IQCM: variants seen among roughly 807,000 people sequenced by gnomAD.
IQCM encodes the protein IQ domain-containing protein M.
A neutral mutation model predicts 57.6 loss-of-function variants in IQCM; 45 were observed. That is an observed-to-expected ratio of 0.78 (90% CI 0.62 to 1.00). The LOEUF is 1.00. Among genes scored for constraint, IQCM ranks in the 50% least tolerant of loss-of-function variants. IQCM has a pLI of 0.00. For missense variants in IQCM, 468 were observed against 511.6 expected (o/e 0.91, Z 0.82); for synonymous variants, 148 against 158.9 (o/e 0.93, Z 0.51).
intron 5 of IQCM, among the ~76,000 whole-genome samples, chr4:149,700,821 T>G (rs1006029262): frequency 1.3e-5 from 2 of 152,024 alleles, no homozygotes; most frequent in Non-Finnish European, 2.9e-5. Context: ...AAACAACTTA[T>G]AGAAAGTACT....
intron 12 of IQCM, among the ~76,000 whole-genome samples, chr4:149,534,072 T>C (rs1459777896): frequency 6.6e-6 from 1 of 152,132 alleles, no homozygotes; most frequent in Non-Finnish European, 1.5e-5. Context: ...TTATATTGAT[T>C]ATCCTTTAAT....
intron 12 of IQCM, among the ~76,000 whole-genome samples, chr4:149,492,484 C>G (rs1433507553): frequency 1.3e-5 from 2 of 152,116 alleles, no homozygotes; most frequent in Admixed American, 1.3e-4. Flanking sequence ...CTACACAAGT[C>G]TTCCTCCTCT....
At chr4:149,454,208 A>G (rs1486732602) in intron 12 of IQCM, among the ~76,000 whole-genome samples, 1 of 150,850 alleles carries the variant, frequency 6.6e-6, no homozygotes, top group African/African-American at 2.4e-5. Flanking sequence ...ATAAACACAT[A>G]CACACACAAT....
At position 149,620,109 on chromosome 4, in the gene IQCM, A is replaced by T. The variant is rs538186192; in HGVS notation, c.681+1020T>A. 3.9e-5 allele frequency among the ~76,000 whole-genome samples: 6 copies of T among 152,254 alleles called. No individual in the cohort carries two copies. The East Asian group carries it at 1.2e-3, about 29-fold the overall frequency. On this transcript the variant is annotated intron_variant, in intron 8 of 13. Coordinates refer to ENST00000636793, the MANE Select transcript of IQCM (RefSeq NM_001363507.2). ...CAGGTGGAGGTTGCGGTGAGCTGAG[A>T]TCACACCATTACACTCTAGCCTGAG...
chr4:149,708,298 T>C (rs576541702), intron 5 of IQCM, among the ~76,000 whole-genome samples: 10 of 152,150 alleles, frequency 6.6e-5, no homozygotes, highest in Admixed American at 2.6e-4. Context: ...GTTATACTTA[T>C]ATCCCTAATT....
intron 13 of IQCM, among the ~76,000 whole-genome samples, chr4:149,358,802 G>A (rs562237104): frequency 2.4e-5 from 2 of 82,640 alleles, no homozygotes; most frequent in African/African-American, 9.3e-5. Flanking sequence ...TAAAGCATAG[G>A]ATCCACCCAA....
rs570580713 is a variant in IQCM at position 149,634,262 on chromosome 4, G to T, written c.566-13018C>A. On this transcript the variant is annotated intron_variant, in intron 7 of 13. Transcript: ENST00000636793. ...AAACTCAAGTGATCTGCCCACCTCG[G>T]CCTCCCAAAGTGAGCTTTTTCTTTT... is the stretch of plus-strand genomic sequence containing the variant. 3.7e-4 allele frequency among the ~76,000 whole-genome samples: 56 copies of T among 152,136 alleles called. No homozygotes were observed. The South Asian group carries it at 0.011, about 31-fold the overall frequency.
intron 12 of IQCM, among the ~76,000 whole-genome samples, chr4:149,499,346 A>C (rs1034211828): frequency 6.6e-6 from 1 of 152,158 alleles, no homozygotes; most frequent in Non-Finnish European, 1.5e-5. Flanking sequence ...AATCACCACA[A>C]TTTTATTTAG....
intron 5 of IQCM, among the ~76,000 whole-genome samples, chr4:149,719,352 AAAAAAAG>A (rs1313957421): frequency 1.1e-4 from 16 of 151,936 alleles, no homozygotes; most frequent in Admixed American, 3.3e-4. Context: ...CTTAAAAAAA[AAAAAAAG>A]AAAAAAGAAA....
At chr4:149,592,772 G>A (rs989759045) in intron 8 of IQCM, among the ~76,000 whole-genome samples, 4 of 151,764 alleles carry the variant, frequency 2.6e-5, no homozygotes, top group African/African-American at 4.8e-5. Flanking sequence ...GTTGTAGATG[G>A]GTGGTATTAT....
intron 12 of IQCM, among the ~76,000 whole-genome samples, chr4:149,491,970 C>G (rs138194415): frequency 6.6e-6 from 1 of 151,788 alleles, no homozygotes; most frequent in Admixed American, 6.6e-5. Context: ...AAGCTGATAT[C>G]ATTGTGGTTT....
chr4:149,486,910 T>C (rs1284006111), intron 12 of IQCM, among the ~76,000 whole-genome samples: 5 of 152,154 alleles, frequency 3.3e-5, no homozygotes, highest in Admixed American at 2.6e-4. Flanking sequence ...CCCAAGAGCC[T>C]GCTTGTTGCT....
At chr4:149,698,151 C>T (rs1174168087) in intron 5 of IQCM, among the ~76,000 whole-genome samples, 1 of 151,612 alleles carries the variant, frequency 6.6e-6, no homozygotes, top group Non-Finnish European at 1.5e-5. Flanking sequence ...AATTATCATC[C>T]TCAATTCAAT....
chr4:149,626,385 T>C (rs1270456493), intron 7 of IQCM, among the ~76,000 whole-genome samples: 2 of 70,740 alleles, frequency 2.8e-5, no homozygotes, highest in Non-Finnish European at 6.3e-5. Flanking sequence ...TAGTTATACT[T>C]AATAAACATA....
chr4:149,482,748 T>G (rs1397349821), intron 12 of IQCM, among the ~76,000 whole-genome samples: 1 of 151,848 alleles, frequency 6.6e-6, no homozygotes, highest in East Asian at 1.9e-4. Context: ...CTTTTTTTTT[T>G]TAATGTGTCT....
In IQCM at chr4:149,368,964, ATATATATATGTGTATATATATACACGTG is replaced by A. The variant is rs1171333754; in HGVS notation, c.1391-16926_1391-16899del. Among the ~76,000 whole-genome samples, 16 of 54,118 alleles carry A rather than the reference ATATATATATGTGTATATATATACACGTG, an allele frequency of 3.0e-4. 1 individual carries two copies. Among genetic ancestry groups the A allele is most frequent in the African/African-American group, 1.1e-3 (14 of 12,504 alleles). 35.5% of individuals were successfully genotyped at this position (54,118 alleles called of 152,430 possible). On this transcript the variant is annotated intron_variant, in intron 13 of 13. Coordinates refer to ENST00000636793, the MANE Select transcript of IQCM (RefSeq NM_001363507.2). ...TATATGTGTATATATATACACGTGTATATATATATGTGTATATATATACACGTGTATATATATATATATACACGTGTAT... is the reference window on the plus strand; with the variant it reads ...TATATGTGTATATATATACACGTGTATATATATATATATATACACGTGTAT...
intron 2 of IQCM, among the ~76,000 whole-genome samples, chr4:149,764,038 A>G (rs1561247807): frequency 6.6e-6 from 1 of 152,148 alleles, no homozygotes; most frequent in Non-Finnish European, 1.5e-5. Context: ...TGCTGGAATC[A>G]AGTACTTGAA....
intron 7 of IQCM, among the ~76,000 whole-genome samples, chr4:149,641,671 T>C (rs1239028891): frequency 6.6e-6 from 1 of 152,162 alleles, no homozygotes; most frequent in African/African-American, 2.4e-5. Context: ...AACAAAATAT[T>C]ATTATATCAG....
chr4:149,644,192 A>G (rs1758444021), intron 7 of IQCM, among the ~76,000 whole-genome samples: 1 of 152,130 alleles, frequency 6.6e-6, no homozygotes, highest in South Asian at 2.1e-4. Flanking sequence ...CTATTGTAAA[A>G]TATAACACAG....
Sources: gnomAD v4.1 joint callset for allele counts (sites outside exome capture counted in the v4.1 genomes callset) on GRCh38, gnomAD v4.1.1 for gene constraint, MANE v1.5 for transcripts, NCBI Gene and HGNC (gene_info 2026-07-23, HGNC 2026-07-21) for gene names.